Variants in SMYD3 observed in about 807,000 individuals in gnomAD.
SMYD3 encodes the protein histone-lysine N-methyltransferase SMYD3.
SMYD3 carries 36 observed loss-of-function variants against 57.7 expected under a neutral mutation model. The observed-to-expected ratio is 0.62, with a 90% CI of 0.48 to 0.82. The LOEUF is 0.82. Ranked by LOEUF, SMYD3 falls within the 40% of genes least tolerant of loss-of-function variation. The pLI is 0.00. For missense variants in SMYD3, 515 were observed against 538.8 expected (o/e 0.96, Z 0.44); for synonymous variants, 211 against 195.0 (o/e 1.08, Z -0.68).
intron 9 of SMYD3, among the ~76,000 whole-genome samples, chr1:245,862,269 T>G (rs181401955): frequency 3.3e-5 from 5 of 152,124 alleles, no homozygotes; most frequent in Admixed American, 1.3e-4. Context: ...ATCTCTATCA[T>G]TTTATAATCA....
chr1:246,385,426 T>C (rs569597720), intron 1 of SMYD3, among the ~76,000 whole-genome samples: 24 of 151,884 alleles, frequency 1.6e-4, no homozygotes, highest in African/African-American at 5.8e-4. Context: ...TTTATAAATA[T>C]AAATATTTTA....
At chr1:246,186,109 T>G (rs1483619599) in intron 5 of SMYD3, among the ~76,000 whole-genome samples, 1 of 152,160 alleles carries the variant, frequency 6.6e-6, no homozygotes, top group African/African-American at 2.4e-5. Flanking sequence ...AGAATTGTGG[T>G]TTTTTACTGT....
chr1:246,225,321 CAAAAAAAAAAAAAAA>C (rs60915002), intron 5 of SMYD3, among the ~76,000 whole-genome samples: 30,628 of 76,898 alleles, frequency 0.4, 5,067 homozygotes, highest in East Asian at 0.65. Context: ...GCTGAAAAGT[CAAAAAAAAAAAAAAA>C]AAAAAAAAAA....
At chr1:246,115,913 C>T (rs1187742420) in intron 5 of SMYD3, among the ~76,000 whole-genome samples, 1 of 151,774 alleles carries the variant, frequency 6.6e-6, no homozygotes, top group Non-Finnish European at 1.5e-5. Flanking sequence ...CCAAGGCGGG[C>T]AGATCACCTG....
intron 10 of SMYD3, among the ~76,000 whole-genome samples, chr1:245,801,283 A>T (rs2047848244): frequency 6.6e-6 from 1 of 152,258 alleles, no homozygotes; most frequent in African/African-American, 2.4e-5. Flanking sequence ...TAGTGTCAAT[A>T]AACAGAGTAT....
intron 8 of SMYD3, 34 bp from the exon 9 acceptor site, chr1:245,863,920 A>G (rs2051688515): frequency 6.3e-7 from 1 of 1,596,222 alleles, no homozygotes; most frequent in Non-Finnish European, 8.6e-7. Context: ...CAAATAATCT[A>G]ATTAGTAATA....
intron 10 of SMYD3, among the ~76,000 whole-genome samples, chr1:245,780,930 A>G (rs1459235255): frequency 6.6e-6 from 1 of 152,266 alleles, no homozygotes; most frequent in African/African-American, 2.4e-5. Context: ...AAAGTAACAA[A>G]GTACTAATAC....
chr1:245,931,309 A>G (rs1159420037), intron 5 of SMYD3, among the ~76,000 whole-genome samples: 2 of 152,168 alleles, frequency 1.3e-5, no homozygotes, highest in Non-Finnish European at 2.9e-5. Flanking sequence ...GGTGACTCGG[A>G]TGTCGGTAGC....
chr1:246,013,429 C>T (rs1310049585), intron 5 of SMYD3, among the ~76,000 whole-genome samples: 1 of 152,190 alleles, frequency 6.6e-6, no homozygotes, highest in Admixed American at 6.5e-5. Context: ...ATCCACCTGC[C>T]TTGGCCTCCC....
intron 1 of SMYD3, among the ~76,000 whole-genome samples, chr1:246,370,348 A>G (rs1221092191): frequency 6.6e-6 from 1 of 152,248 alleles, no homozygotes; most frequent in Non-Finnish European, 1.5e-5. Flanking sequence ...CAGACTATAC[A>G]GGACCCCAGT....
At position 245,999,818 on chromosome 1, in the gene SMYD3, C is replaced by G. The variant is rs141993208; in HGVS notation, c.532-69881G>C. On this transcript the variant is annotated intron_variant, in intron 5 of 11. Transcript: ENST00000490107. ...CTCTCCCAGAAAACAAACAATAAAGCAGAAAGAGCACGGAACTCGAGGTTA... is the reference window on the plus strand; with the variant it reads ...CTCTCCCAGAAAACAAACAATAAAGGAGAAAGAGCACGGAACTCGAGGTTA... Among the ~76,000 whole-genome samples, 31 of 152,260 alleles carry G rather than the reference C, an allele frequency of 2.0e-4. No homozygotes were observed. The East Asian group carries it at 6.0e-3, about 29-fold the overall frequency.
chr1:245,952,473 T>C (rs545006736), intron 5 of SMYD3, among the ~76,000 whole-genome samples: 1 of 152,188 alleles, frequency 6.6e-6, no homozygotes, highest in Non-Finnish European at 1.5e-5. Context: ...GGCTGCTTGA[T>C]GATAGTTCAG....
chr1:246,268,986 A>T (rs950819), intron 5 of SMYD3, among the ~76,000 whole-genome samples: 19,093 of 152,208 alleles, frequency 0.13, 1,636 homozygotes, highest in East Asian at 0.32. Context: ...AAGAGTAAAA[A>T]GTTACAGGTT....
intron 5 of SMYD3, among the ~76,000 whole-genome samples, chr1:246,222,421 G>C: frequency 6.6e-6 from 1 of 152,130 alleles, no homozygotes; most frequent in South Asian, 2.1e-4. Flanking sequence ...GCCGATCTGT[G>C]CCTCATTAGC....
At chr1:245,915,483 T>G in intron 8 of SMYD3, 47 bp downstream of exon 8, 1,147 of 1,192,778 alleles carry the variant, frequency 9.6e-4, no homozygotes, top group Non-Finnish European at 1.3e-3. Flanking sequence ...TGAAGATCAT[T>G]GAGATTTTGC....
chr1:246,416,955 G>A (rs898589654), intron 1 of SMYD3, among the ~76,000 whole-genome samples: 1 of 152,098 alleles, frequency 6.6e-6, no homozygotes, highest in African/African-American at 2.4e-5. Flanking sequence ...GAGAAGAAAA[G>A]AATCTATAAT....
intron 1 of SMYD3, among the ~76,000 whole-genome samples, chr1:246,413,493 T>C (rs2067009153): frequency 6.6e-6 from 1 of 152,114 alleles, no homozygotes; most frequent in Admixed American, 6.6e-5. Flanking sequence ...ATGATATAGT[T>C]TGAATATACG....
At chr1:245,855,193 G>T (rs576855323) in intron 10 of SMYD3, among the ~76,000 whole-genome samples, 1 of 152,234 alleles carries the variant, frequency 6.6e-6, no homozygotes, top group East Asian at 1.9e-4. Context: ...CTTCAAAGCC[G>T]GAAACACCCT....
intron 5 of SMYD3, among the ~76,000 whole-genome samples, chr1:245,957,964 G>C (rs1200307492): frequency 6.6e-6 from 1 of 151,412 alleles, no homozygotes. Flanking sequence ...TCTAATGTTA[G>C]AACTCCTAGC....
Sources: gnomAD v4.1 joint callset for allele counts (sites outside exome capture counted in the v4.1 genomes callset) on GRCh38, gnomAD v4.1.1 for gene constraint, MANE v1.5 for transcripts, NCBI Gene and HGNC (gene_info 2026-07-23, HGNC 2026-07-21) for gene names.